PRKAR2B: variants seen among roughly 807,000 people sequenced by gnomAD.
The protein encoded by PRKAR2B is cAMP-dependent protein kinase type II-beta regulatory subunit.
In PRKAR2B, 14 loss-of-function variants were observed where a neutral mutation model predicts 49.9. That is an observed-to-expected ratio of 0.28 (90% CI 0.19 to 0.44). PRKAR2B has a LOEUF of 0.44. PRKAR2B is among the 20% of genes least tolerant of loss of function. The probability of loss-of-function intolerance (pLI) is 1.00; values close to 1 mark genes in which losing one functional copy is unlikely to be tolerated. For synonymous variants in PRKAR2B, 196 were observed against 197.7 expected (o/e 0.99, Z 0.07); for missense variants, 393 against 537.9 (o/e 0.73, Z 2.67).
At chr7:107,086,351 G>A (rs1039283482) in intron 2 of PRKAR2B, among the ~76,000 whole-genome samples, 12 of 152,182 alleles carry the variant, frequency 7.9e-5, no homozygotes, top group Middle Eastern at 3.4e-3. Context: ...ATAAGGTATG[G>A]TTAATTAATG....
intron 3 of PRKAR2B, among the ~76,000 whole-genome samples, chr7:107,124,594 A>AT (rs1795451523): frequency 6.6e-6 from 1 of 152,062 alleles, no homozygotes; most frequent in Non-Finnish European, 1.5e-5. Flanking sequence ...TAATTTCTGT[A>AT]TTTTTAGTAG....
At chr7:107,131,179 C>G (rs1795599189) in intron 4 of PRKAR2B, among the ~76,000 whole-genome samples, 1 of 152,304 alleles carries the variant, frequency 6.6e-6, no homozygotes, top group Non-Finnish European at 1.5e-5. Context: ...ATTCAATGAA[C>G]CAGTATTTTA....
chr7:107,082,008 C>G (rs1794524195), intron 2 of PRKAR2B: 1 of 152,010 alleles, frequency 6.6e-6, no homozygotes, highest in African/African-American at 2.4e-5. Flanking sequence ...ACAAATACAG[C>G]AAATGCACAT....
chr7:107,087,674 G>A (rs1255094928), intron 2 of PRKAR2B, among the ~76,000 whole-genome samples: 2 of 152,096 alleles, frequency 1.3e-5, no homozygotes, highest in African/African-American at 2.4e-5. Flanking sequence ...CAGTACTTTG[G>A]GAGGCTGAGG....
intron 3 of PRKAR2B, among the ~76,000 whole-genome samples, chr7:107,126,230 A>AAAAATAC (rs1252285586): frequency 2.7e-5 from 4 of 147,334 alleles, no homozygotes; most frequent in African/African-American, 5.1e-5. Context: ...CGTCTCTACT[A>AAAAATAC]AAAATACAAA....
chr7:107,092,539 C>G (rs1362660496), intron 2 of PRKAR2B, among the ~76,000 whole-genome samples: 1 of 151,634 alleles, frequency 6.6e-6, no homozygotes, highest in Non-Finnish European at 1.5e-5. Flanking sequence ...GCTGCTATTG[C>G]CTGTATATTA....
chr7:107,134,195 A>AT (rs1156339282), intron 4 of PRKAR2B, among the ~76,000 whole-genome samples: 2 of 151,872 alleles, frequency 1.3e-5, no homozygotes, highest in African/African-American at 4.8e-5. Context: ...TGGCCAGCTA[A>AT]TTTTTGTATT....
chr7:107,098,365 C>A (rs1175200190), intron 2 of PRKAR2B, among the ~76,000 whole-genome samples: 1 of 152,188 alleles, frequency 6.6e-6, no homozygotes, highest in Admixed American at 6.5e-5. Context: ...TCCATCAGGT[C>A]ATTTAAGGTC....
chr7:107,113,806 A>G (rs553423340), intron 2 of PRKAR2B, among the ~76,000 whole-genome samples: 21 of 152,184 alleles, frequency 1.4e-4, no homozygotes, highest in Non-Finnish European at 2.9e-4. Context: ...TTGTATCTTT[A>G]TCTAAGGAAC....
chr7:107,133,043 A>T (rs1345075402), intron 4 of PRKAR2B, among the ~76,000 whole-genome samples: 1 of 152,132 alleles, frequency 6.6e-6, no homozygotes, highest in Non-Finnish European at 1.5e-5. Context: ...GTAAATTGTT[A>T]TTTCTTAAGT....
intron 2 of PRKAR2B, among the ~76,000 whole-genome samples, chr7:107,110,277 G>A (rs1795148170): frequency 6.6e-6 from 1 of 152,134 alleles, no homozygotes; most frequent in South Asian, 2.1e-4. Flanking sequence ...GTTCCGGCAA[G>A]CCTCACCACC....
intron 1 of PRKAR2B, among the ~76,000 whole-genome samples, chr7:107,047,021 G>T (rs1330607797): frequency 6.6e-6 from 1 of 152,108 alleles, no homozygotes; most frequent in East Asian, 1.9e-4. Context: ...AACAGCAGGG[G>T]TCATTTTATA....
At chr7:107,056,856 A>G (rs1339443089) in intron 1 of PRKAR2B, among the ~76,000 whole-genome samples, 1 of 152,244 alleles carries the variant, frequency 6.6e-6, no homozygotes, top group Non-Finnish European at 1.5e-5. Context: ...TGTATTAAAA[A>G]TACAACGTGA....
chr7:107,115,816 G>A (rs1795262944), intron 2 of PRKAR2B, among the ~76,000 whole-genome samples: 1 of 152,202 alleles, frequency 6.6e-6, no homozygotes, highest in African/African-American at 2.4e-5. Flanking sequence ...GCTGAAGTTA[G>A]GACTGACCAT....
At chr7:107,101,622 C>T (rs1190922315) in intron 2 of PRKAR2B, among the ~76,000 whole-genome samples, 1 of 152,176 alleles carries the variant, frequency 6.6e-6, no homozygotes, top group East Asian at 1.9e-4. Flanking sequence ...CTCTAAGCTT[C>T]TACCCTTCCT....
intron 2 of PRKAR2B, among the ~76,000 whole-genome samples, chr7:107,108,762 A>G (rs1381758982): frequency 1.3e-5 from 2 of 152,148 alleles, no homozygotes; most frequent in Non-Finnish European, 2.9e-5. Flanking sequence ...CAGAGCCCCA[A>G]TTTTTACTGA....
rs533983012 is a variant in PRKAR2B, at chr7:107,106,374, T to G, written c.344-15578T>G. ...AGTGGCCACTCCATCTACATATTCA[T>G]GGACAGTACCCAGAATCATTTGTTT... On this transcript the variant is annotated intron_variant, in intron 2 of 10. Transcript: ENST00000265717. Among the ~76,000 whole-genome samples, 563 of 152,300 alleles carry G rather than the reference T, an allele frequency of 3.7e-3. 4 individuals carry two copies. The highest frequency in any genetic ancestry group is 0.013 in the African/African-American group (531 of 41,564).
intron 1 of PRKAR2B, among the ~76,000 whole-genome samples, chr7:107,052,024 A>G (rs1488079394): frequency 1.3e-5 from 2 of 152,246 alleles, no homozygotes; most frequent in African/African-American, 2.4e-5. Context: ...AATATATTTC[A>G]GTTACACCCA....
chr7:107,159,765 T>G lies in PRKAR2B; in HGVS notation c.*183T>G. The G allele has an allele frequency of 1.9e-6, 1 of 515,316 alleles. No homozygotes were observed. The highest frequency in any genetic ancestry group is 3.3e-6 in the Non-Finnish European group (1 of 306,630). 31.9% of individuals were successfully genotyped at this position (515,316 alleles called of 1,614,324 possible). A position where few individuals can be genotyped will look rare whatever the true frequency, so the allele number is the denominator to read the frequency against. ...GTCAATAGGCTTTAACATCACTTTCTAAAGAGTAGTTCATAAAAAAATCAA... is the reference window on the plus strand; with the variant it reads ...GTCAATAGGCTTTAACATCACTTTCGAAAGAGTAGTTCATAAAAAAATCAA... On this transcript the variant is annotated 3_prime_UTR_variant, in exon 11 of 11. Transcript: ENST00000265717.
Sources: gnomAD v4.1 joint callset for allele counts (sites outside exome capture counted in the v4.1 genomes callset) on GRCh38, gnomAD v4.1.1 for gene constraint, MANE v1.5 for transcripts, NCBI Gene and HGNC (gene_info 2026-07-23, HGNC 2026-07-21) for gene names.